The following GRIP1 variants were observed in gnomAD, a reference collection of about 807,000 sequenced individuals.
The protein encoded by GRIP1 is glutamate receptor-interacting protein 1.
A neutral mutation model predicts 129.9 loss-of-function variants in GRIP1; 45 were observed. That is an observed-to-expected ratio of 0.35 (90% CI 0.27 to 0.44). The LOEUF is 0.44. GRIP1 is among the 20% of genes least tolerant of loss of function. The pLI, the probability that GRIP1 is intolerant of heterozygous loss-of-function variation, is 1.00. For synonymous variants in GRIP1, 530 were observed against 520.8 expected, an observed-to-expected ratio of 1.02 and a Z score of -0.24; for missense variants, 1,196 against 1,396.8, an observed-to-expected ratio of 0.86 and a Z score of 2.29.
At chr12:67,022,575 C>T (rs1218616108) in intron 1 of GRIP1, among the ~76,000 whole-genome samples, 1 of 152,124 alleles carries the variant, frequency 6.6e-6, no homozygotes, top group Non-Finnish European at 1.5e-5. Flanking sequence ...AATTCTAGTT[C>T]CTTCCTGTCC....
intron 1 of GRIP1, among the ~76,000 whole-genome samples, chr12:67,043,725 C>A (rs979842433): frequency 1.2e-4 from 19 of 152,226 alleles, no homozygotes; most frequent in South Asian, 4.2e-4. Context: ...CAGAGAAAAA[C>A]CCCATAATCC....
At chr12:66,645,797 T>C (rs1249984923) in intron 1 of GRIP1, among the ~76,000 whole-genome samples, 2 of 152,200 alleles carry the variant, frequency 1.3e-5, no homozygotes, top group Non-Finnish European at 1.5e-5. Context: ...CAGAGAATAA[T>C]GAAAGCTTAC....
intron 7 of GRIP1, among the ~76,000 whole-genome samples, chr12:66,503,335 C>T (rs1355050928): frequency 6.6e-6 from 1 of 152,068 alleles, no homozygotes; most frequent in Non-Finnish European, 1.5e-5. Context: ...TTCCTAAACA[C>T]ACTGCACATG....
At chr12:66,435,820 T>C (rs1378850217) in intron 13 of GRIP1, among the ~76,000 whole-genome samples, 1 of 152,236 alleles carries the variant, frequency 6.6e-6, no homozygotes, top group Admixed American at 6.5e-5. Context: ...CTACATGAGA[T>C]TTGAAATATT....
chr12:66,513,009 T>A (rs1029499418), intron 7 of GRIP1, among the ~76,000 whole-genome samples: 6 of 152,268 alleles, frequency 3.9e-5, no homozygotes, highest in African/African-American at 1.2e-4. Flanking sequence ...TAAGTAAATA[T>A]AGAATTTATT....
At chr12:66,847,621 G>T (rs1333367761) in intron 1 of GRIP1, among the ~76,000 whole-genome samples, 2 of 152,140 alleles carry the variant, frequency 1.3e-5, no homozygotes, top group African/African-American at 4.8e-5. Context: ...TTCATATGAA[G>T]AGTAGGTTTC....
intron 1 of GRIP1, among the ~76,000 whole-genome samples, chr12:66,852,394 C>T (rs1335508654): frequency 6.6e-6 from 1 of 151,426 alleles, no homozygotes; most frequent in Non-Finnish European, 1.5e-5. Context: ...GAATGAGATT[C>T]GAGTAGAGTA....
chr12:66,992,461 G>C (rs1400519525), intron 1 of GRIP1, among the ~76,000 whole-genome samples: 1 of 152,158 alleles, frequency 6.6e-6, no homozygotes, highest in African/African-American at 2.4e-5. Flanking sequence ...AGCCAAATAG[G>C]TAGGTGGCTT....
intron 1 of GRIP1, among the ~76,000 whole-genome samples, chr12:66,874,707 A>G (rs1290553706): frequency 6.6e-6 from 1 of 151,898 alleles, no homozygotes; most frequent in Non-Finnish European, 1.5e-5. Flanking sequence ...TAATTCACTC[A>G]CTCACTATCA....
chr12:66,876,111 A>G (rs2040378197), intron 1 of GRIP1, among the ~76,000 whole-genome samples: 2 of 152,054 alleles, frequency 1.3e-5, no homozygotes, highest in Non-Finnish European at 2.9e-5. Context: ...GAGCACTTAA[A>G]ACAAAAAAAT....
chr12:66,817,607 C>T (rs941641044), intron 1 of GRIP1, among the ~76,000 whole-genome samples: 10 of 152,060 alleles, frequency 6.6e-5, no homozygotes, highest in South Asian at 2.1e-4. Context: ...CGGGGTTTCA[C>T]CATGTTGGTC....
At chr12:66,547,157 G>A (rs372105925) in intron 2 of GRIP1, among the ~76,000 whole-genome samples, 18 of 152,196 alleles carry the variant, frequency 1.2e-4, no homozygotes, top group East Asian at 7.7e-4. Context: ...AAGTACACAC[G>A]AAAAAATGCT....
At chr12:66,547,893 A>T (rs1348724674) in intron 2 of GRIP1, among the ~76,000 whole-genome samples, 1 of 152,196 alleles carries the variant, frequency 6.6e-6, no homozygotes, top group Admixed American at 6.6e-5. Flanking sequence ...AGTTCTGTAG[A>T]TATTTCTATT....
chr12:66,645,239 T>C (rs1044560347), intron 1 of GRIP1, among the ~76,000 whole-genome samples: 18 of 152,176 alleles, frequency 1.2e-4, no homozygotes, highest in Admixed American at 6.5e-5. Context: ...CCTTATCTTA[T>C]TGATGAGGAA....
At chr12:66,934,506 G>T (rs1361230371) in intron 1 of GRIP1, among the ~76,000 whole-genome samples, 1 of 152,166 alleles carries the variant, frequency 6.6e-6, no homozygotes, top group Non-Finnish European at 1.5e-5. Flanking sequence ...TCCTGGTCCT[G>T]TTTGTTAGCA....
intron 1 of GRIP1, among the ~76,000 whole-genome samples, chr12:66,652,074 A>G (rs748787108): frequency 3.4e-4 from 52 of 152,324 alleles, no homozygotes; most frequent in Middle Eastern, 3.4e-3. Flanking sequence ...TTCTTAATGA[A>G]AAATCAAATG....
intron 5 of GRIP1, among the ~76,000 whole-genome samples, chr12:66,523,442 G>T (rs955591206): frequency 1.1e-4 from 16 of 150,314 alleles, no homozygotes; most frequent in Non-Finnish European, 2.1e-4. Context: ...CTTCATAAGT[G>T]AAGGAGAAAT....
rs113255184 is a variant in GRIP1 at position 66,910,368 on chromosome 12, T to C, written c.58+158682A>G. Reference sequence around the variant, plus strand: ...TCTCCTGCATTCTATAAAATGTAATTCCACCTTTGGGGAGTGACCATGGGC... The same window carrying C: ...TCTCCTGCATTCTATAAAATGTAATCCCACCTTTGGGGAGTGACCATGGGC... On this transcript the variant is annotated intron_variant, in intron 1 of 1. Coordinates refer to the GRIP1 transcript ENST00000643019. Among the ~76,000 whole-genome samples the C allele has an allele frequency of 3.2e-3, 480 of 152,308 alleles. 1 individual carries two copies. The highest frequency in any genetic ancestry group is 0.011 in the African/African-American group (458 of 41,572).
intron 1 of GRIP1, among the ~76,000 whole-genome samples, chr12:66,876,573 A>G (rs573484813): frequency 3.3e-5 from 5 of 152,192 alleles, no homozygotes; most frequent in African/African-American, 1.2e-4. Flanking sequence ...AGACATAGCA[A>G]AGCTGTCATG....
Sources: allele counts gnomAD v4.1 joint callset (sites outside exome capture counted in the v4.1 genomes callset), GRCh38; gene constraint gnomAD v4.1.1; transcripts MANE v1.5; gene names NCBI Gene and HGNC (gene_info 2026-07-23, HGNC 2026-07-21).